STPG2: variants seen among roughly 807,000 people sequenced by gnomAD.
The protein encoded by STPG2 is sperm-tail PG-rich repeat-containing protein 2.
STPG2 carries 56 observed loss-of-function variants against 54.2 expected under a neutral mutation model. The observed-to-expected ratio is 1.03, with a 90% CI of 0.83 to 1.29. The LOEUF (loss-of-function observed/expected upper bound fraction) is 1.29. Ranked by LOEUF, STPG2 falls within the 50% of genes most tolerant of loss-of-function variation. The probability of loss-of-function intolerance (pLI) is 0.00; values close to 1 mark genes in which losing one functional copy is unlikely to be tolerated. For synonymous variants in STPG2, 200 were observed against 181.8 expected (o/e 1.10, Z -0.81); for missense variants, 596 against 544.9 (o/e 1.09, Z -0.93).
At chr4:97,671,641 A>G (rs1231399118) in intron 10 of STPG2, among the ~76,000 whole-genome samples, 1 of 152,224 alleles carries the variant, frequency 6.6e-6, no homozygotes, top group Non-Finnish European at 1.5e-5. Context: ...ATACTTATTG[A>G]GTACCCTTTT....
At chr4:97,543,966 A>T (rs1397143087) in intron 4 of STPG2, among the ~76,000 whole-genome samples, 1 of 152,060 alleles carries the variant, frequency 6.6e-6, no homozygotes, top group East Asian at 1.9e-4. Context: ...AATGAGAAAC[A>T]CCTCCAAAAG....
At position 98,105,836 on chromosome 4, in the gene STPG2, T is replaced by C. The variant is rs143149808; in HGVS notation, c.612+117A>G. On this transcript the variant is annotated intron_variant, in intron 5 of 10. Transcript: ENST00000295268. ...TAAATACTTCCTTCTACAATATTCA[T>C]TGAATGACGATTAGCTATCAGGCAC... 4,772 of 871,210 alleles carry C rather than the reference T, an allele frequency of 5.5e-3. 34 individuals are homozygous for C. The highest frequency in any genetic ancestry group is 7.4e-3 in the Non-Finnish European group (4,411 of 596,706). 54.0% of individuals were successfully genotyped at this position (871,210 alleles called of 1,614,324 possible).
intron 8 of STPG2, among the ~76,000 whole-genome samples, chr4:97,864,052 C>G (rs1332915323): frequency 6.6e-6 from 1 of 152,120 alleles, no homozygotes; most frequent in Non-Finnish European, 1.5e-5. Context: ...CAGGGATGCC[C>G]TCTCTCACCA....
At chr4:97,474,719 G>T (rs1169279274) in intron 4 of STPG2, among the ~76,000 whole-genome samples, 1 of 151,704 alleles carries the variant, frequency 6.6e-6, no homozygotes, top group East Asian at 1.9e-4. Flanking sequence ...AAAGAAGAAT[G>T]CTCACTGAAG....
At chr4:97,805,352 C>T (rs188224567) in intron 9 of STPG2, among the ~76,000 whole-genome samples, 101 of 152,100 alleles carry the variant, frequency 6.6e-4, no homozygotes, top group Non-Finnish European at 1.8e-4. Context: ...GGATTACAGG[C>T]GCGCACCACC....
intron 4 of STPG2, among the ~76,000 whole-genome samples, chr4:97,502,808 T>C (rs1357144849): frequency 6.6e-6 from 1 of 151,848 alleles, no homozygotes; most frequent in Non-Finnish European, 1.5e-5. Flanking sequence ...CAGGGAATAA[T>C]TGCATGCAGA....
intron 9 of STPG2, among the ~76,000 whole-genome samples, chr4:97,741,985 C>A (rs1262089474): frequency 6.6e-6 from 1 of 152,002 alleles, no homozygotes; most frequent in East Asian, 1.9e-4. Flanking sequence ...CAATGATAGA[C>A]TGGATTAAGA....
intron 9 of STPG2, among the ~76,000 whole-genome samples, chr4:97,791,140 G>C (rs1225578441): frequency 6.6e-6 from 1 of 152,122 alleles, no homozygotes; most frequent in Non-Finnish European, 1.5e-5. Context: ...ATAAAACCTT[G>C]TGGGTAAGGT....
chr4:97,608,912 T>C (rs116790168), intron 10 of STPG2, among the ~76,000 whole-genome samples: 2,287 of 152,156 alleles, frequency 0.015, 54 homozygotes, highest in African/African-American at 0.051. Flanking sequence ...CTCAGCTCCC[T>C]GAAATGTGGA....
At chr4:97,963,188 A>AAAC (rs1560612083) in intron 7 of STPG2, among the ~76,000 whole-genome samples, 4 of 130,700 alleles carry the variant, frequency 3.1e-5, no homozygotes, top group Admixed American at 7.3e-5. Flanking sequence ...AACAAACAAA[A>AAAC]AAACAATAAT....
At chr4:97,562,365 T>C (rs1732277831) in intron 10 of STPG2, among the ~76,000 whole-genome samples, 1 of 152,210 alleles carries the variant, frequency 6.6e-6, no homozygotes, top group Non-Finnish European at 1.5e-5. Flanking sequence ...GTTTTCTAGA[T>C]ATACAATCAT....
At chr4:98,130,940 C>CAAAAAAAA (rs1215700216) in intron 2 of STPG2, among the ~76,000 whole-genome samples, 1 of 96,282 alleles carries the variant, frequency 1.0e-5, no homozygotes, top group Non-Finnish European at 2.1e-5. Context: ...AAAAAAAAAA[C>CAAAAAAAA]AAAAAAAAAA....
In STPG2 at chr4:97,909,791, C is replaced by G. The variant is rs1731609003; in HGVS notation, c.1044+34106G>C. Among the ~76,000 whole-genome samples, 2 of 151,998 alleles carry G rather than the reference C, an allele frequency of 1.3e-5. 1 individual carries two copies. Among genetic ancestry groups the G allele is most frequent in the African/African-American group, 4.8e-5 (2 of 41,388 alleles). On this transcript the variant is annotated intron_variant, in intron 8 of 10. Transcript: ENST00000295268. ...ATAAACTAGAAATAGAAGCAGACTT[C>G]TTTAAATGGTAAATAATATTTTTAA...
chr4:97,502,866 T>C lies in STPG2; in HGVS notation c.462+209833A>G, dbSNP rs549550119. Among the ~76,000 whole-genome samples, 3 of 152,166 alleles carry C rather than the reference T, an allele frequency of 2.0e-5. No homozygotes were observed. The East Asian group carries it at 5.8e-4, about 30-fold the overall frequency. On this transcript the variant is annotated intron_variant, in intron 4 of 4. Transcript: ENST00000522676. ...AAACATTTAATTAATCACTGTTTTC[T>C]TGCCCCTTACGCTGTGAATAGCAAT... is the stretch of plus-strand genomic sequence containing the variant.
At chr4:97,534,133 T>C (rs1731477051) in intron 4 of STPG2, among the ~76,000 whole-genome samples, 1 of 152,180 alleles carries the variant, frequency 6.6e-6, no homozygotes, top group Admixed American at 6.5e-5. Context: ...TATTGTGGTT[T>C]TTATTTGCAT....
chr4:97,778,829 G>A (rs1487608749), intron 9 of STPG2, among the ~76,000 whole-genome samples: 2 of 152,178 alleles, frequency 1.3e-5, no homozygotes, highest in African/African-American at 4.8e-5. Flanking sequence ...AGAGCCTGGA[G>A]TGGACCTCCA....
chr4:97,607,129 A>G (rs1404642079), intron 10 of STPG2, among the ~76,000 whole-genome samples: 1 of 152,076 alleles, frequency 6.6e-6, no homozygotes, highest in Non-Finnish European at 1.5e-5. Context: ...CCACAATTTG[A>G]TATACATTAT....
chr4:97,877,261 A>C (rs1320682447), intron 8 of STPG2, among the ~76,000 whole-genome samples: 1 of 152,096 alleles, frequency 6.6e-6, no homozygotes, highest in Non-Finnish European at 1.5e-5. Flanking sequence ...CCACCTCTTT[A>C]CTCATTTCTA....
rs1739278484 is a variant in STPG2, at chr4:98,109,282, T to C, written c.411A>G (p.Lys137=). 16 of 1,605,028 alleles carry C rather than the reference T, an allele frequency of 1.0e-5. No homozygotes were observed. Among genetic ancestry groups the C allele is most frequent in the Non-Finnish European group, 1.4e-5 (16 of 1,176,496 alleles). Residue 137 remains lysine (K), a synonymous_variant, in exon 4 of 11, where the codon AAA becomes AAG. Transcript: ENST00000295268. ...AGTTGCCAAAATGTATACCTTTGTATTTCAAAGTTGCATTGGAAACATCCT... is the reference window on the plus strand; with the variant it reads ...AGTTGCCAAAATGTATACCTTTGTACTTCAAAGTTGCATTGGAAACATCCT... ...PQFDVSNATL[K]YKGIHFGNSS...
Sources: gnomAD v4.1 joint callset for allele counts (sites outside exome capture counted in the v4.1 genomes callset) on GRCh38, gnomAD v4.1.1 for gene constraint, MANE v1.5 for transcripts, NCBI Gene and HGNC (gene_info 2026-07-23, HGNC 2026-07-21) for gene names.